TCEA3: variants seen among roughly 807,000 people sequenced by gnomAD.
TCEA3 encodes transcription elongation factor A3.
TCEA3 carries 36 observed loss-of-function variants against 44.0 expected under a neutral mutation model. The observed-to-expected ratio is 0.82, with a 90% CI of 0.63 to 1.08. TCEA3 has a LOEUF of 1.08. Among genes scored for constraint, TCEA3 ranks in the 50% least tolerant of loss-of-function variants. The probability of loss-of-function intolerance (pLI) is 0.00; values close to 1 mark genes in which losing one functional copy is unlikely to be tolerated. For synonymous variants in TCEA3, 162 were observed against 159.7 expected, an observed-to-expected ratio of 1.01 and a Z score of -0.11; for missense variants, 392 against 441.2, an observed-to-expected ratio of 0.89 and a Z score of 1.00.
At chr1:23,401,904 G>T (rs1271562692) in intron 5 of TCEA3, among the ~76,000 whole-genome samples, 1 of 152,154 alleles carries the variant, frequency 6.6e-6, no homozygotes, top group Non-Finnish European at 1.5e-5. Context: ...AATGCCTGAT[G>T]ATCAGAGGTG....
chr1:23,414,962 TCCTACA>T (rs1313389216), intron 4 of TCEA3, among the ~76,000 whole-genome samples: 1 of 149,668 alleles, frequency 6.7e-6, no homozygotes, highest in Middle Eastern at 3.2e-3. Context: ...TTGTTACCTC[TCCTACA>T]CCTGTTGTTC....
At chr1:23,393,828 G>A in intron 8 of TCEA3, 51 bp downstream of exon 8, 1 of 1,595,424 alleles carries the variant, frequency 6.3e-7, no homozygotes, top group Non-Finnish European at 8.5e-7. Flanking sequence ...CACTAGGCAG[G>A]GCTAGGGGGA....
intron 7 of TCEA3, among the ~76,000 whole-genome samples, chr1:23,395,948 G>A (rs1316623184): frequency 6.6e-6 from 1 of 152,120 alleles, no homozygotes; most frequent in African/African-American, 2.4e-5. Flanking sequence ...CTGCTTGGAG[G>A]GATGACTGTT....
At chr1:23,393,317 G>A (rs1639117348) in intron 8 of TCEA3, among the ~76,000 whole-genome samples, 1 of 151,978 alleles carries the variant, frequency 6.6e-6, no homozygotes, top group Non-Finnish European at 1.5e-5. Context: ...CCAGCTGGTG[G>A]CCTGAGGGTT....
intron 7 of TCEA3, among the ~76,000 whole-genome samples, chr1:23,397,258 A>T (rs1391087041): frequency 6.6e-6 from 1 of 152,046 alleles, no homozygotes; most frequent in Non-Finnish European, 1.5e-5. Context: ...AAATGATTTG[A>T]CCTCTCTGAG....
At chr1:23,421,084 A>G (rs982658351) in intron 1 of TCEA3, among the ~76,000 whole-genome samples, 5 of 152,172 alleles carry the variant, frequency 3.3e-5, no homozygotes, top group Admixed American at 6.6e-5. Flanking sequence ...GGTTTTCAGA[A>G]GCGTGACCTG....
chr1:23,400,023 G>C (rs1209208604), intron 5 of TCEA3, among the ~76,000 whole-genome samples: 2 of 152,126 alleles, frequency 1.3e-5, no homozygotes, highest in Non-Finnish European at 2.9e-5. Flanking sequence ...GAAGGCCAAG[G>C]TTTGCATGGG....
rs776969962 is a variant in TCEA3 at position 23,381,488 on chromosome 1, A to C, written c.1039-14T>G. On this transcript the variant is annotated splice_polypyrimidine_tract_variant and intron_variant, in intron 10 of 10. Transcript: ENST00000450454. ...CCATCAGCAGAACTACAAAACCAGA[A>C]AGGCAACAAAATTTGAAAGGTTTCT... is the stretch of plus-strand genomic sequence containing the variant. The C allele has an allele frequency of 1.3e-6, 1 of 780,858 alleles. No individual in the cohort carries two copies. The allele number at this position is 780,858 out of a possible 1,614,324, so 48.4% of individuals were successfully genotyped here. A position where few individuals can be genotyped will look rare whatever the true frequency, so the allele number is the denominator to read the frequency against.
Position 23,381,471 on chromosome 1 carries a change from A to T in TCEA3, c.1042T>A (p.Cys348Ser). ...CNECGNRWKF[C>S] ...GTTCATGGCTGGCTGTTCCATCAGC[A>T]GAACTACAAAACCAGAAAGGCAACA... Residue 348 changes from cysteine to serine, a missense_variant, in exon 11 of 11, where the codon TGC (cysteine) becomes AGC (serine). By Grantham distance (112) the Cys-to-Ser change is moderately radical. Coordinates refer to ENST00000450454, the MANE Select transcript of TCEA3 (RefSeq NM_003196.3). The T allele has an allele frequency of 1.3e-6, 1 of 780,918 alleles. No individual in the cohort carries two copies. The highest frequency in any genetic ancestry group is 2.4e-6 in the Non-Finnish European group (1 of 418,000). 48.4% of individuals were successfully genotyped at this position (780,918 alleles called of 1,614,324 possible). A position where few individuals can be genotyped will look rare whatever the true frequency, so the allele number is the denominator to read the frequency against.
At chr1:23,412,171 G>A (rs1007477405) in intron 4 of TCEA3, 1 of 152,092 alleles carries the variant, frequency 6.6e-6, no homozygotes, top group East Asian at 1.9e-4. Flanking sequence ...ATTCTTCTTC[G>A]GCCATTGTTT....
At chr1:23,421,400 T>A (rs1431716404) in intron 1 of TCEA3, among the ~76,000 whole-genome samples, 2 of 152,162 alleles carry the variant, frequency 1.3e-5, no homozygotes, top group African/African-American at 4.8e-5. Flanking sequence ...ATACAAATTG[T>A]GTTAGCATGG....
At chr1:23,423,312 A>T (rs1640119257) in intron 1 of TCEA3, among the ~76,000 whole-genome samples, 1 of 152,166 alleles carries the variant, frequency 6.6e-6, no homozygotes, top group Non-Finnish European at 1.5e-5. Context: ...TCTCTGTCTC[A>T]TCTCTCCAAT....
intron 10 of TCEA3, 127 bp downstream of exon 10, chr1:23,384,219 A>C: frequency 6.4e-7 from 1 of 1,566,040 alleles, no homozygotes; most frequent in Non-Finnish European, 8.6e-7. Context: ...GGCTCTGCAG[A>C]CCTACTCTGT....
chr1:23,418,001 C>G lies in TCEA3; in HGVS notation c.141G>C (p.Arg47Ser). 1 of 1,614,052 alleles carries G rather than the reference C, an allele frequency of 6.2e-7. No individual in the cohort carries two copies. Among genetic ancestry groups the G allele is most frequent in the Non-Finnish European group, 8.5e-7 (1 of 1,179,890 alleles). ...QMSIQLLQTT[R>S]IGVAVNGVRK... Reference sequence around the variant, plus strand: ...GGACCCCATTAACAGCAACTCCAATCCTGGTTGTCTGCAAAGTGAGAGGGT... The same window carrying G: ...GGACCCCATTAACAGCAACTCCAATGCTGGTTGTCTGCAAAGTGAGAGGGT... Residue 47 changes from arginine (R) to serine (S), a missense_variant, in exon 3 of 11, where the codon AGG (arginine) becomes AGC (serine). By Grantham distance (110) the Arg-to-Ser change is moderately radical. Transcript: ENST00000450454.
chr1:23,422,924 G>A (rs556269941), intron 1 of TCEA3, among the ~76,000 whole-genome samples: 22 of 152,128 alleles, frequency 1.4e-4, no homozygotes, highest in Non-Finnish European at 2.5e-4. Flanking sequence ...CCTCTCCTCC[G>A]GTCTCTAGGC....
intron 4 of TCEA3, chr1:23,411,527 G>A (rs1233405659): frequency 8.8e-6 from 2 of 227,492 alleles, no homozygotes; most frequent in East Asian, 1.1e-4. Flanking sequence ...AATGGGAGGC[G>A]ACAAGCAACA....
At chr1:23,422,348 C>T (rs564764453) in intron 1 of TCEA3, among the ~76,000 whole-genome samples, 1 of 152,244 alleles carries the variant, frequency 6.6e-6, no homozygotes, top group South Asian at 2.1e-4. Context: ...GTGTTGTGGC[C>T]ACATGTTATA....
chr1:23,421,902 G>A (rs1272483605), intron 1 of TCEA3, among the ~76,000 whole-genome samples: 1 of 152,234 alleles, frequency 6.6e-6, no homozygotes, highest in Non-Finnish European at 1.5e-5. Context: ...TATGCCTCGT[G>A]TGTCACAGCT....
intron 4 of TCEA3, 90 bp from the exon 5 acceptor site, chr1:23,408,816 C>T: frequency 7.5e-7 from 1 of 1,332,064 alleles, no homozygotes; most frequent in Admixed American, 2.1e-5. Context: ...GGGAAAAGGC[C>T]AGCTGGCTTG....
Sources: allele counts gnomAD v4.1 joint callset (sites outside exome capture counted in the v4.1 genomes callset), GRCh38; gene constraint gnomAD v4.1.1; transcripts MANE v1.5; gene names NCBI Gene and HGNC (gene_info 2026-07-23, HGNC 2026-07-21).